Variants in BAIAP3 observed in about 807,000 individuals in gnomAD.
BAIAP3 encodes the protein BAI1-associated protein 3.
BAIAP3 carries 180 observed loss-of-function variants against 149.7 expected under a neutral mutation model. That is an observed-to-expected ratio of 1.20 (90% CI 1.07 to 1.36). The LOEUF (loss-of-function observed/expected upper bound fraction) is 1.36, where lower values mean the gene tolerates loss of function less well. Among genes scored for constraint, BAIAP3 ranks in the 40% most tolerant of loss-of-function variants. BAIAP3 has a pLI of 0.00. For missense variants in BAIAP3, 1,767 were observed against 1,563.4 expected, an observed-to-expected ratio of 1.13 and a Z score of -2.20; for synonymous variants, 845 against 670.7, an observed-to-expected ratio of 1.26 and a Z score of -4.02.
chr16:1,334,596 G>A, intron 1 of BAIAP3: 1 of 1,474,908 alleles, frequency 6.8e-7, no homozygotes, highest in Non-Finnish European at 9.2e-7. Context: ...AGCCGTCTGA[G>A]GCTTCGGGGA....
chr16:1,336,754 G>A (rs753193655), intron 1 of BAIAP3, among the ~76,000 whole-genome samples: 1 of 152,324 alleles, frequency 6.6e-6, no homozygotes, highest in East Asian at 1.9e-4. Context: ...CCAACTGTCC[G>A]TGAGAGCCTG....
intron 9 of BAIAP3, 49 bp downstream of exon 9, chr16:1,341,915 G>T: frequency 1.9e-6 from 3 of 1,598,442 alleles, no homozygotes; most frequent in Non-Finnish European, 2.6e-6. Context: ...CACCTTTTGC[G>T]GGGGAGCAGG....
In BAIAP3 at chr16:1,346,776, C is replaced by T. The variant is rs531812532; in HGVS notation, c.2643-71C>T. The stretch of plus-strand genomic sequence containing the variant: ...CGGAGGCCCTGTGGGAGCTACTCCT[C>T]CAGGCCATTCTGCAGGTGGGGCCAG... On this transcript the variant is annotated intron_variant, in intron 27 of 33. Coordinates refer to ENST00000426824, the MANE Select transcript of BAIAP3 (RefSeq NM_001199097.2). The T allele has an allele frequency of 3.7e-4, 564 of 1,529,534 alleles. 8 individuals carry two copies. In the South Asian group the frequency reaches 6.1e-3, roughly 16 times the overall value. The allele number at this position is 1,529,534 out of a possible 1,614,324, so 94.7% of individuals were successfully genotyped here. A position where few individuals can be genotyped will look rare whatever the true frequency, so the allele number is the denominator to read the frequency against.
Position 1,347,540 on chromosome 16 carries a change from T to C in BAIAP3, c.2824-5T>C. On this transcript the variant is annotated splice_region_variant and splice_polypyrimidine_tract_variant and intron_variant, in intron 29 of 33. Transcript: ENST00000426824. Reference sequence around the variant, plus strand: ...GGGCCCCTCCTGATGCGCTTCCCCCTGCAGAGGCTGAAGGAGGAGCTGCGG... The same window carrying C: ...GGGCCCCTCCTGATGCGCTTCCCCCCGCAGAGGCTGAAGGAGGAGCTGCGG... 1.9e-6 allele frequency: 3 copies of C among 1,602,954 alleles called. No homozygotes were observed. The highest frequency in any genetic ancestry group is 1.1e-5 in the South Asian group (1 of 89,962).
In BAIAP3 at chr16:1,344,254, A is replaced by G. The variant is rs764232022; in HGVS notation, c.1539A>G (p.Gln513=). 48 of 1,613,528 alleles carry G rather than the reference A, an allele frequency of 3.0e-5. No homozygotes were observed. Among genetic ancestry groups the G allele is most frequent in the Non-Finnish European group, 4.0e-5 (47 of 1,179,986 alleles). ...LKCLGKLQLF[Q]PSFEICPFES... Reference sequence around the variant, plus strand: ...GTCTGGGCAAGCTGCAGCTCTTCCAACCCTCCTTTGAGATCTGCCCCTTCG... The same window carrying G: ...GTCTGGGCAAGCTGCAGCTCTTCCAGCCCTCCTTTGAGATCTGCCCCTTCG... The change falls in exon 17 of 34, where the codon CAA becomes CAG. Residue 513 remains glutamine (Q), a synonymous_variant. Transcript: ENST00000426824.
intron 5 of BAIAP3, among the ~76,000 whole-genome samples, chr16:1,339,972 A>AGG (rs2033774458): frequency 1.4e-5 from 2 of 142,584 alleles, no homozygotes; most frequent in African/African-American, 5.7e-5. Context: ...ACGCACGCAC[A>AGG]CACACAGGCT....
At chr16:1,336,487 A>G (rs1054751060) in intron 1 of BAIAP3, 1 of 787,280 alleles carries the variant, frequency 1.3e-6, no homozygotes, top group Non-Finnish European at 1.5e-6. Flanking sequence ...TGGTCCCGTA[A>G]GAGCCTGCAC....
In BAIAP3 at chr16:1,346,008, T is replaced by C. The variant is rs754641167; in HGVS notation, c.2231T>C (p.Phe744Ser). The change falls in exon 24 of 34, where the codon TTC becomes TCC. Residue 744 changes from phenylalanine (F) to serine (S), a missense_variant. By Grantham distance (155) the Phe-to-Ser change is radical. Coordinates refer to ENST00000426824, the MANE Select transcript of BAIAP3 (RefSeq NM_001199097.2). ...LGQDVCEATL[F>S]YTELLRKKVD... ...CAGGACGTGTGTGAGGCCACCCTCT[T>C]CTATACGGAGCTGCTTCGGAAGAAG... 1.2e-6 allele frequency: 2 copies of C among 1,610,734 alleles called. No homozygotes were observed. Among genetic ancestry groups the C allele is most frequent in the Non-Finnish European group, 1.7e-6 (2 of 1,179,114 alleles).
chr16:1,345,102 G>C lies in BAIAP3; in HGVS notation c.1940+3G>C. The stretch of plus-strand genomic sequence containing the variant: ...TTCTGGGATAGCATCCCTGGCCGGT[G>C]GGTGCCCCGTCCCTATCTCTTGCAG... On this transcript the variant is annotated splice_donor_region_variant and intron_variant, in intron 21 of 33. Transcript: ENST00000426824. 1 of 1,612,576 alleles carries C rather than the reference G, an allele frequency of 6.2e-7. No individual in the cohort carries two copies. Among genetic ancestry groups the C allele is most frequent in the Non-Finnish European group, 8.5e-7 (1 of 1,179,968 alleles).
At chr16:1,343,559 C>A in intron 15 of BAIAP3, 46 bp downstream of exon 15, 1 of 1,595,300 alleles carries the variant, frequency 6.3e-7, no homozygotes. Flanking sequence ...GAAGGGAGTG[C>A]TGGGGACTGG....
rs774065039 is a variant in BAIAP3 at position 1,338,857 on chromosome 16, G to A, written c.132-45G>A. On this transcript the variant is annotated intron_variant, in intron 2 of 33. Transcript: ENST00000426824. ...CCTGGAGTCGAGGGTCCCAGGCAGG[G>A]GCCAGCGTGCTGAGAGCTGTGAGCT... The A allele has an allele frequency of 1.1e-5, 17 of 1,609,594 alleles. No individual in the cohort carries two copies. The East Asian group carries it at 3.8e-4, about 36-fold the overall frequency.
intron 25 of BAIAP3, 26 bp downstream of exon 25, chr16:1,346,387 G>C: frequency 6.2e-7 from 1 of 1,611,040 alleles, no homozygotes; most frequent in Non-Finnish European, 8.5e-7. Flanking sequence ...AGACCAAGGC[G>C]TGGAGGCAGT....
In BAIAP3 at chr16:1,342,947, C is replaced by T. The variant is rs1418039121; in HGVS notation, c.1196C>T (p.Thr399Ile). The change falls in exon 14 of 34, where the codon ACA becomes ATA. Residue 399 changes from threonine (T) to isoleucine (I), a missense_variant. By Grantham distance (89) the Thr-to-Ile change is moderately conservative (BLOSUM62 -1). Coordinates refer to ENST00000426824, the MANE Select transcript of BAIAP3 (RefSeq NM_001199097.2). Reference protein sequence around the residue: ...NSSSWRGELSTPAATILCLHG... With the variant: ...NSSSWRGELSIPAATILCLHG... ...AGCAGCTGGCGAGGAGAGCTCAGCA[C>T]ACCAGCCGCCACCATCCTCTGCCTG... The T allele has an allele frequency of 6.2e-7, 1 of 1,612,168 alleles. No individual in the cohort carries two copies. Among genetic ancestry groups the T allele is most frequent in the South Asian group, 1.1e-5 (1 of 91,086 alleles).
chr16:1,343,210 A>AG (rs1567165698), intron 14 of BAIAP3, 183 bp from the exon 15 acceptor site: 2 of 1,127,116 alleles, frequency 1.8e-6, no homozygotes, highest in East Asian at 5.2e-5. Flanking sequence ...AGGCAGCGAA[A>AG]GGGGCGGTGC....
intron 18 of BAIAP3, 35 bp from the exon 19 acceptor site, chr16:1,344,566 G>A (rs752063842): frequency 8.9e-5 from 144 of 1,612,454 alleles, no homozygotes; most frequent in Admixed American, 1.7e-5. Flanking sequence ...GGTACGGGCA[G>A]CCGAGAGGTG....
intron 14 of BAIAP3, 83 bp downstream of exon 14, chr16:1,343,099 T>C: frequency 8.8e-7 from 1 of 1,138,252 alleles, no homozygotes; most frequent in Non-Finnish European, 1.2e-6. Flanking sequence ...GGTGAGTGGA[T>C]GTCGTGGCTG....
In BAIAP3 at chr16:1,345,964, CCCA is replaced by C. The variant is rs1567170582; in HGVS notation, c.2209-19_2209-17del. On this transcript the variant is annotated intron_variant, in intron 23 of 33. Transcript: ENST00000426824. The stretch of plus-strand genomic sequence containing the variant: ...GGGGCAGGGGAGGGCTCCATGGCTC[CCCA>C]CCGCCATCCCCTCCTCAGGACGTGT... 2 of 1,593,270 alleles carry C rather than the reference CCCA, an allele frequency of 1.3e-6. No homozygotes were observed. The highest frequency in any genetic ancestry group is 2.3e-5 in the South Asian group (2 of 88,496).
At chr16:1,339,440 G>T in intron 4 of BAIAP3, 56 bp from the exon 5 acceptor site, 1 of 1,548,426 alleles carries the variant, frequency 6.5e-7, no homozygotes, top group Non-Finnish European at 8.8e-7. Flanking sequence ...AGGAGGTGCT[G>T]CTGAGGGCTG....
intron 5 of BAIAP3, among the ~76,000 whole-genome samples, chr16:1,340,377 ACGCACACAGG>A (rs2033833311): frequency 7.1e-6 from 1 of 141,542 alleles, no homozygotes; most frequent in African/African-American, 2.6e-5. Flanking sequence ...GCACACAGAC[ACGCACACAGG>A]TTGCAGGTGC....
Sources: allele counts gnomAD v4.1 joint callset (sites outside exome capture counted in the v4.1 genomes callset), GRCh38; gene constraint gnomAD v4.1.1; transcripts MANE v1.5; gene names NCBI Gene and HGNC (gene_info 2026-07-23, HGNC 2026-07-21).